CALM2: variants seen among roughly 807,000 people sequenced by gnomAD.
CALM2 encodes the protein calmodulin 2.
In CALM2, 2 loss-of-function variants were observed where a neutral mutation model predicts 19.8. The ratio of observed to expected loss-of-function variants is 0.10; its 90% CI spans 0.04 to 0.32. The LOEUF is 0.32. CALM2 is among the 10% of genes least tolerant of loss of function. CALM2 has a pLI of 1.00. For synonymous variants in CALM2, 51 were observed against 52.1 expected, an observed-to-expected ratio of 0.98 and a Z score of 0.09; for missense variants, 38 against 178.7, an observed-to-expected ratio of 0.21 and a Z score of 4.49.
At chr2:47,163,368 C>A (rs1482758665) in intron 2 of CALM2, 1 of 152,050 alleles carries the variant, frequency 6.6e-6, no homozygotes, top group Admixed American at 6.6e-5. Context: ...ATATTAAAAC[C>A]CCAACCTTAT....
chr2:47,171,138 C>A (rs1666652092), intron 1 of CALM2: 6 of 178,750 alleles, frequency 3.4e-5, no homozygotes, highest in Non-Finnish European at 5.9e-5. Flanking sequence ...ATTACTCCCA[C>A]AAATGGTTAA....
chr2:47,175,194 TGACA>T (rs1213029079), intron 1 of CALM2, among the ~76,000 whole-genome samples: 3 of 150,278 alleles, frequency 2.0e-5, no homozygotes, highest in African/African-American at 4.9e-5. Context: ...TCACAGTATT[TGACA>T]GACAAACATC....
intron 4 of CALM2, 49 bp downstream of exon 4, chr2:47,162,237 G>C: frequency 1.1e-6 from 1 of 936,090 alleles, no homozygotes; most frequent in Non-Finnish European, 1.6e-6. Context: ...ATGAGTCCTG[G>C]TATCTTCATT....
chr2:47,172,562 T>C (rs955111183), intron 1 of CALM2: 77 of 837,416 alleles, frequency 9.2e-5, no homozygotes, highest in Non-Finnish European at 1.2e-4. Context: ...AATGTAGACA[T>C]GCATGGCATT....
chr2:47,170,375 T>G (rs917707274), intron 2 of CALM2, among the ~76,000 whole-genome samples: 8 of 152,234 alleles, frequency 5.3e-5, no homozygotes, highest in Admixed American at 6.5e-5. Flanking sequence ...TCAAGTTGCC[T>G]TAGTTACTTC....
chr2:47,174,660 G>T (rs760434661), intron 1 of CALM2, among the ~76,000 whole-genome samples: 12 of 151,538 alleles, frequency 7.9e-5, no homozygotes, highest in African/African-American at 2.7e-4. Context: ...GACCACAAAT[G>T]CGTAGATACC....
At chr2:47,162,071 C>T (rs984325557) in intron 4 of CALM2, among the ~76,000 whole-genome samples, 11 of 147,708 alleles carry the variant, frequency 7.4e-5, no homozygotes, top group African/African-American at 2.5e-4. Context: ...AGTCAAGTGA[C>T]ACCTCCTTTG....
intron 2 of CALM2, among the ~76,000 whole-genome samples, chr2:47,164,219 C>CA (rs1666375459): frequency 7.3e-6 from 1 of 137,816 alleles, no homozygotes; most frequent in Non-Finnish European, 1.5e-5. Context: ...GCCTGGGCGA[C>CA]AGAGCGAGAC....
At chr2:47,171,129 T>A in intron 1 of CALM2, 1 of 187,754 alleles carries the variant, frequency 5.3e-6, no homozygotes, top group Non-Finnish European at 1.1e-5. Flanking sequence ...AAAATGAAAA[T>A]TACTCCCACA....
intron 2 of CALM2, 22 bp downstream of exon 2, chr2:47,170,712 A>T: frequency 6.3e-7 from 1 of 1,595,138 alleles, no homozygotes; most frequent in Non-Finnish European, 8.6e-7. Context: ...TAATGGGTAC[A>T]ATCTAGCTGA....
intron 2 of CALM2, among the ~76,000 whole-genome samples, chr2:47,169,064 G>A (rs961028219): frequency 2.0e-5 from 3 of 152,130 alleles, no homozygotes; most frequent in African/African-American, 7.2e-5. Context: ...GTGAGCCACT[G>A]CGCCCGGCCA....
At chr2:47,168,296 G>C (rs1666554345) in intron 2 of CALM2, among the ~76,000 whole-genome samples, 1 of 152,118 alleles carries the variant, frequency 6.6e-6, no homozygotes, top group South Asian at 2.1e-4. Flanking sequence ...GATAAGAAGA[G>C]AACCTAAGAA....
chr2:47,170,802 A>C lies in CALM2; in HGVS notation c.4-38T>G, dbSNP rs760977539. ...CAAAGAGGAAGGTTAGTGACTTGAG[A>C]GTATGTAGATTAGCAGTTACAGAAA... On this transcript the variant is annotated intron_variant, in intron 1 of 5. Transcript: ENST00000272298. The C allele has an allele frequency of 1.3e-5, 20 of 1,572,354 alleles. No homozygotes were observed. The South Asian group carries it at 2.0e-4, about 16-fold the overall frequency.
chr2:47,163,027 A>G (rs1363235781), intron 2 of CALM2: 2 of 166,740 alleles, frequency 1.2e-5, no homozygotes, highest in African/African-American at 4.8e-5. Flanking sequence ...TCCCCAAATG[A>G]CTGGCTCCTC....
Position 47,176,094 on chromosome 2 carries a change from C to T in CALM2, c.3+347G>A, listed in dbSNP as rs983077806. On this transcript the variant is annotated intron_variant, in intron 1 of 5. Coordinates refer to ENST00000272298, the MANE Select transcript of CALM2 (RefSeq NM_001743.6). ...CTTTCCAGACGCCCGACAGAAGGCT[C>T]TCTACGCTCCCTCTCTCCCTTCCTT... is the stretch of plus-strand genomic sequence containing the variant. 1.8e-5 allele frequency: 6 copies of T among 326,004 alleles called. No homozygotes were observed. The Admixed American group carries it at 2.4e-4, about 13-fold the overall frequency. The allele number at this position is 326,004 out of a possible 1,614,324, so 20.2% of individuals were successfully genotyped here. A position where few individuals can be genotyped will look rare whatever the true frequency, so the allele number is the denominator to read the frequency against.
chr2:47,172,311 A>AG, intron 1 of CALM2: 1 of 383,356 alleles, frequency 2.6e-6, no homozygotes, highest in Non-Finnish European at 5.3e-6. Context: ...TCTGAGTCAC[A>AG]GGCCAGTATC....
intron 1 of CALM2, chr2:47,176,161 G>A: frequency 2.1e-6 from 1 of 484,272 alleles, no homozygotes; most frequent in Non-Finnish European, 3.7e-6. Context: ...CCCTCATCCC[G>A]GACCCATCCT....
In CALM2 at chr2:47,161,199, CAG is replaced by C. The variant is rs143401704; in HGVS notation, c.422-397_422-396del. On this transcript the variant is annotated intron_variant, in intron 5 of 5. Coordinates refer to ENST00000272298, the MANE Select transcript of CALM2 (RefSeq NM_001743.6). Reference sequence around the variant, plus strand: ...AAGTAGTTACATCATGAAAAAAATACAGAGTTTTACTCAAAATCCTTCAGTTT... The same window carrying C: ...AAGTAGTTACATCATGAAAAAAATACAGTTTTACTCAAAATCCTTCAGTTT... Among the ~76,000 whole-genome samples, 48 of 152,204 alleles carry C rather than the reference CAG, an allele frequency of 3.2e-4. No individual in the cohort carries two copies. In the East Asian group the frequency reaches 7.9e-3, roughly 25 times the overall value.
intron 2 of CALM2, among the ~76,000 whole-genome samples, chr2:47,164,850 A>G (rs1183556835): frequency 6.6e-6 from 1 of 152,162 alleles, no homozygotes; most frequent in African/African-American, 2.4e-5. Context: ...TCCAAGGCCA[A>G]TTTATTCCCT....
Sources: gnomAD v4.1 joint callset for allele counts (sites outside exome capture counted in the v4.1 genomes callset) on GRCh38, gnomAD v4.1.1 for gene constraint, MANE v1.5 for transcripts, NCBI Gene and HGNC (gene_info 2026-07-23, HGNC 2026-07-21) for gene names.